Variants in TG observed in about 807,000 individuals in gnomAD.
TG encodes thyroglobulin.
TG carries 270 observed loss-of-function variants against 324.7 expected under a neutral mutation model. The ratio of observed to expected loss-of-function variants is 0.83; its 90% CI spans 0.75 to 0.92. The LOEUF is 0.92. Ranked by LOEUF, TG falls within the 40% of genes least tolerant of loss-of-function variation. The pLI is 0.00. For missense variants in TG, 3,591 were observed against 3,456.4 expected (o/e 1.04, Z -0.98); for synonymous variants, 1,401 against 1,327.0 (o/e 1.06, Z -1.21).
intron 31 of TG, among the ~76,000 whole-genome samples, chr8:132,968,452 A>G (rs975523936): frequency 2.0e-5 from 3 of 152,222 alleles, no homozygotes; most frequent in Non-Finnish European, 4.4e-5. Context: ...AACAAGATAG[A>G]AGGTGATTTT....
At chr8:132,924,466 T>C (rs1479762612) in intron 22 of TG, among the ~76,000 whole-genome samples, 3 of 152,152 alleles carry the variant, frequency 2.0e-5, no homozygotes, top group East Asian at 3.9e-4. Flanking sequence ...ATCCCTCTGA[T>C]CCTCAGTCTC....
chr8:133,038,947 T>G (rs922117745), intron 41 of TG, among the ~76,000 whole-genome samples: 4 of 152,154 alleles, frequency 2.6e-5, no homozygotes, highest in Non-Finnish European at 4.4e-5. Context: ...GTGCAATCTC[T>G]GCTCACTGCA....
At chr8:133,075,061 G>A (rs1346706250) in intron 41 of TG, 1 of 985,372 alleles carries the variant, frequency 1.0e-6, no homozygotes, top group Non-Finnish European at 1.2e-6. Flanking sequence ...AACGAGGAAG[G>A]CACAGGGCTT....
chr8:133,057,795 A>G (rs901688917), intron 41 of TG, among the ~76,000 whole-genome samples: 20 of 152,036 alleles, frequency 1.3e-4, no homozygotes, highest in Admixed American at 6.6e-5. Flanking sequence ...AAACAAAAAA[A>G]CAGATGGGTA....
intron 41 of TG, among the ~76,000 whole-genome samples, chr8:133,084,636 G>C (rs1288493445): frequency 6.6e-6 from 1 of 152,346 alleles, no homozygotes; most frequent in East Asian, 1.9e-4. Flanking sequence ...TGTCAAGTCT[G>C]TAAGACCTGT....
intron 39 of TG, 82 bp downstream of exon 39, chr8:133,019,777 T>A: frequency 8.4e-7 from 1 of 1,195,432 alleles, no homozygotes; most frequent in Non-Finnish European, 1.2e-6. Flanking sequence ...CCAGCACAGT[T>A]CAGTCTCCTC....
Position 132,939,591 on chromosome 8 carries a change from TA to T in TG, c.5042-1756del, listed in dbSNP as rs549540601. Among the ~76,000 whole-genome samples the T allele has an allele frequency of 1.4e-3, 214 of 152,138 alleles. 2 individuals are homozygous for T. Among genetic ancestry groups the T allele is most frequent in the African/African-American group, 4.9e-3 (204 of 41,500 alleles). ...AAGACGCTGGCTTTTTGGAGATACA[TA>T]AAACATCTGCTGAGCATAAGCTAAG... On this transcript the variant is annotated intron_variant, in intron 25 of 47. Transcript: ENST00000220616.
At chr8:133,093,795 G>A (rs1164418323) in intron 41 of TG, among the ~76,000 whole-genome samples, 1 of 152,170 alleles carries the variant, frequency 6.6e-6, no homozygotes, top group East Asian at 1.9e-4. Flanking sequence ...GTGGCTCAGT[G>A]TTTGGCCGCT....
intron 35 of TG, among the ~76,000 whole-genome samples, chr8:133,003,756 T>G (rs1289626925): frequency 6.6e-6 from 1 of 152,062 alleles, no homozygotes; most frequent in Non-Finnish European, 1.5e-5. Flanking sequence ...TCCTGCCTCT[T>G]TGCTGCCCCC....
chr8:133,133,805 A>C (rs17705891), intron 47 of TG, 145 bp downstream of exon 47: 216,924 of 948,810 alleles, frequency 0.23, 28,114 homozygotes, highest in Middle Eastern at 0.27. Context: ...TGAGTTGTTC[A>C]TGGTCTGGGG....
At chr8:132,987,386 C>T (rs907672239) in intron 35 of TG, among the ~76,000 whole-genome samples, 6 of 138,676 alleles carry the variant, frequency 4.3e-5, no homozygotes, top group East Asian at 1.9e-4. Flanking sequence ...TGTATGTGTA[C>T]AGGCACGTAT....
At chr8:132,936,623 A>G (rs962209712) in intron 25 of TG, among the ~76,000 whole-genome samples, 7 of 152,206 alleles carry the variant, frequency 4.6e-5, no homozygotes, top group Admixed American at 3.3e-4. Flanking sequence ...TCCAATCCCC[A>G]TGTACACATA....
rs150800397 is a variant in TG at position 133,033,289 on chromosome 8, T to C, written c.7239+3266T>C. ...ATCAAGCTCCTTCTTCCCTCTTCCC[T>C]TGCCAAGGGAAGGCAACTCCAGATG... On this transcript the variant is annotated intron_variant, in intron 41 of 47. Coordinates refer to ENST00000220616, the MANE Select transcript of TG (RefSeq NM_003235.5). 2.5e-3 allele frequency among the ~76,000 whole-genome samples: 377 copies of C among 152,260 alleles called. 4 individuals are homozygous for C. Among genetic ancestry groups the C allele is most frequent in the Admixed American group, 7.3e-3 (112 of 15,304 alleles).
chr8:132,936,942 G>A (rs1331838909), intron 25 of TG, among the ~76,000 whole-genome samples: 1 of 147,288 alleles, frequency 6.8e-6, no homozygotes, highest in Admixed American at 6.6e-5. Flanking sequence ...TCTTGGGCCT[G>A]TTCCTTGACA....
At chr8:133,060,631 A>G (rs538837357) in intron 41 of TG, among the ~76,000 whole-genome samples, 28 of 152,220 alleles carry the variant, frequency 1.8e-4, no homozygotes, top group Non-Finnish European at 3.8e-4. Flanking sequence ...AGGCATGAGG[A>G]GAAGGTACTT....
intron 41 of TG, among the ~76,000 whole-genome samples, chr8:133,083,607 A>G (rs1285185754): frequency 6.6e-6 from 1 of 152,208 alleles, no homozygotes; most frequent in East Asian, 1.9e-4. Flanking sequence ...GACCCAGAGA[A>G]TGAAGCCAAT....
intron 35 of TG, among the ~76,000 whole-genome samples, chr8:133,007,951 A>T (rs960162478): frequency 2.0e-5 from 3 of 152,122 alleles, no homozygotes; most frequent in African/African-American, 4.8e-5. Context: ...TGTCTCACCC[A>T]TGTCTGTGAG....
At chr8:133,119,964 G>T (rs1189969133) in intron 45 of TG, among the ~76,000 whole-genome samples, 2 of 152,214 alleles carry the variant, frequency 1.3e-5, no homozygotes, top group Non-Finnish European at 2.9e-5. Flanking sequence ...GGGAGAGAAG[G>T]AATGATGACA....
At chr8:132,881,334 A>T (rs985189226) in intron 5 of TG, among the ~76,000 whole-genome samples, 1 of 152,172 alleles carries the variant, frequency 6.6e-6, no homozygotes, top group Admixed American at 6.5e-5. Context: ...TTTTTTTTCA[A>T]CTATGGGACT....
Sources: allele counts gnomAD v4.1 joint callset (sites outside exome capture counted in the v4.1 genomes callset), GRCh38; gene constraint gnomAD v4.1.1; transcripts MANE v1.5; gene names NCBI Gene and HGNC (gene_info 2026-07-23, HGNC 2026-07-21).